The following CDCA2 variants were observed in gnomAD, a reference collection of about 807,000 sequenced individuals.
CDCA2 encodes cell division cycle-associated protein 2.
CDCA2 carries 44 observed loss-of-function variants against 67.0 expected under a neutral mutation model. That is an observed-to-expected ratio of 0.66 (90% CI 0.52 to 0.84). CDCA2 has a LOEUF of 0.84. Ranked by LOEUF, CDCA2 falls within the 40% of genes least tolerant of loss-of-function variation. CDCA2 has a pLI of 0.00. For synonymous variants in CDCA2, 447 were observed against 418.7 expected (o/e 1.07, Z -0.82); for missense variants, 1,253 against 1,203.2 (o/e 1.04, Z -0.61).
In CDCA2 at chr8:25,507,203, A is replaced by G. The variant is rs1804716595; in HGVS notation, c.2537A>G (p.Lys846Arg). Residue 846 changes from lysine (K) to arginine (R), a missense_variant, in exon 15 of 15, where the codon AAA becomes AGA. Physicochemically the swap from Lys to Arg is conservative, Grantham distance 26. Transcript: ENST00000330560. ...GATGGTCGAAGTTTACATTTGGAAAAAAATGGAAATCACACACCATCCTCC... is the reference window on the plus strand; with the variant it reads ...GATGGTCGAAGTTTACATTTGGAAAGAAATGGAAATCACACACCATCCTCC... ...YSDGRSLHLE[K>R]NGNHTPSSSV... 1 of 1,614,188 alleles carries G rather than the reference A, an allele frequency of 6.2e-7. No homozygotes were observed.
chr8:25,471,349 A>G (rs541082560), intron 7 of CDCA2, among the ~76,000 whole-genome samples: 3 of 82,630 alleles, frequency 3.6e-5, no homozygotes, highest in Admixed American at 1.4e-4. Flanking sequence ...CTTGCCTTCA[A>G]TGTTTTCTTT....
intron 7 of CDCA2, among the ~76,000 whole-genome samples, chr8:25,473,763 AT>A: frequency 2.6e-5 from 4 of 152,238 alleles, no homozygotes; most frequent in Admixed American, 2.6e-4. Flanking sequence ...TCTGATACAT[AT>A]TTTTTTCATT....
chr8:25,463,605 A>T (rs78467079), intron 4 of CDCA2, among the ~76,000 whole-genome samples: 2 of 146,812 alleles, frequency 1.4e-5, no homozygotes, highest in Non-Finnish European at 3.0e-5. Flanking sequence ...TCTACTGATT[A>T]AAAAAAAAAA....
chr8:25,502,095 C>T (rs1055356948), intron 13 of CDCA2, among the ~76,000 whole-genome samples: 2 of 152,054 alleles, frequency 1.3e-5, no homozygotes, highest in African/African-American at 4.8e-5. Flanking sequence ...ACGGCTTTCA[C>T]CATGTTGGCC....
chr8:25,506,380 G>T, intron 14 of CDCA2, 130 bp from the exon 15 acceptor site: 1 of 759,176 alleles, frequency 1.3e-6, no homozygotes, highest in East Asian at 2.9e-5. Context: ...CAAGCACAGT[G>T]TAACATTTGT....
At chr8:25,488,420 G>A (rs1803865112) in intron 12 of CDCA2, 132 bp from the exon 13 acceptor site, 1 of 738,478 alleles carries the variant, frequency 1.4e-6, no homozygotes, top group Non-Finnish European at 2.0e-6. Flanking sequence ...CTTTTAATAA[G>A]GTTTGTGAAT....
At chr8:25,495,205 G>A (rs1804166090) in intron 13 of CDCA2, among the ~76,000 whole-genome samples, 1 of 152,144 alleles carries the variant, frequency 6.6e-6, no homozygotes, top group South Asian at 2.1e-4. Flanking sequence ...GTGAATGCAA[G>A]CTAGACTTCG....
intron 14 of CDCA2, among the ~76,000 whole-genome samples, chr8:25,504,599 T>C (rs1408459205): frequency 2.6e-5 from 4 of 152,220 alleles, no homozygotes; most frequent in Non-Finnish European, 5.9e-5. Context: ...CACCATTGAC[T>C]CCTGGCTTCT....
chr8:25,492,371 C>A (rs186150217), intron 13 of CDCA2, among the ~76,000 whole-genome samples: 78 of 152,318 alleles, frequency 5.1e-4, no homozygotes, highest in African/African-American at 1.8e-3. Flanking sequence ...AGGGAAATCG[C>A]TGGTTGTAGC....
At chr8:25,486,670 C>A (rs1803789919) in intron 11 of CDCA2, among the ~76,000 whole-genome samples, 2 of 151,432 alleles carry the variant, frequency 1.3e-5, no homozygotes. Flanking sequence ...AAAAAATTAG[C>A]CAGGCATGGT....
chr8:25,473,596 AG>A (rs1346128120), intron 7 of CDCA2, among the ~76,000 whole-genome samples: 1 of 152,214 alleles, frequency 6.6e-6, no homozygotes, highest in Non-Finnish European at 1.5e-5. Flanking sequence ...TAAAGTAGAA[AG>A]GCATTTCATT....
intron 5 of CDCA2, among the ~76,000 whole-genome samples, chr8:25,467,807 C>G (rs996960428): frequency 6.6e-6 from 1 of 152,002 alleles, no homozygotes; most frequent in Non-Finnish European, 1.5e-5. Context: ...GACTTAAGCA[C>G]TAGATTTTAC....
intron 13 of CDCA2, among the ~76,000 whole-genome samples, chr8:25,492,474 TGAATG>T (rs927855070): frequency 2.6e-5 from 4 of 152,014 alleles, no homozygotes; most frequent in Non-Finnish European, 5.9e-5. Flanking sequence ...ATTGAAAGAA[TGAATG>T]GTATGAAAGG....
intron 13 of CDCA2, among the ~76,000 whole-genome samples, chr8:25,498,286 C>T (rs899419087): frequency 3.3e-5 from 5 of 152,076 alleles, no homozygotes; most frequent in African/African-American, 4.8e-5. Context: ...CGGCTCACTG[C>T]AACCTCCTCC....
chr8:25,497,247 G>A (rs550020280), intron 13 of CDCA2, among the ~76,000 whole-genome samples: 1 of 152,186 alleles, frequency 6.6e-6, no homozygotes, highest in Admixed American at 6.5e-5. Context: ...TCCCACTTCT[G>A]GGTATGTATC....
At chr8:25,482,219 A>G (rs1008207080) in intron 8 of CDCA2, among the ~76,000 whole-genome samples, 4 of 152,232 alleles carry the variant, frequency 2.6e-5, no homozygotes, top group African/African-American at 9.6e-5. Flanking sequence ...GACAACTGCT[A>G]CCTTCTTTCC....
At chr8:25,495,790 A>G (rs1380333418) in intron 13 of CDCA2, among the ~76,000 whole-genome samples, 3 of 152,236 alleles carry the variant, frequency 2.0e-5, no homozygotes, top group Non-Finnish European at 2.9e-5. Flanking sequence ...AACACTCAAT[A>G]GAAGCACTGA....
intron 3 of CDCA2, 98 bp from the exon 4 acceptor site, chr8:25,461,956 T>A: frequency 1.7e-6 from 2 of 1,184,850 alleles, no homozygotes; most frequent in South Asian, 2.8e-5. Flanking sequence ...CACATGTTTA[T>A]CATGTTTTCT....
rs751092178 is a variant in CDCA2 at position 25,466,310 on chromosome 8, G to C, written c.523G>C (p.Glu175Gln). The C allele has an allele frequency of 1.1e-5, 18 of 1,602,332 alleles. No homozygotes were observed. The highest frequency in any genetic ancestry group is 1.3e-5 in the African/African-American group (1 of 74,150). Residue 175 changes from glutamate to glutamine, a missense_variant, in exon 5 of 15, where the codon GAG becomes CAG. By Grantham distance (29) the Glu-to-Gln change is conservative. Transcript: ENST00000330560. ...ATTCTCAGAGGCAGGAAAAGAGTCCGAGATGACAGACTTGAGTGAGTAGAA... is the reference window on the plus strand; with the variant it reads ...ATTCTCAGAGGCAGGAAAAGAGTCCCAGATGACAGACTTGAGTGAGTAGAA... The part of the protein sequence containing the change: ...LEFSEAGKES[E>Q]MTDLTRKEGL...
Sources: gnomAD v4.1 joint callset for allele counts (sites outside exome capture counted in the v4.1 genomes callset) on GRCh38, gnomAD v4.1.1 for gene constraint, MANE v1.5 for transcripts, NCBI Gene and HGNC (gene_info 2026-07-23, HGNC 2026-07-21) for gene names.